CAMTA1: variants seen among roughly 807,000 people sequenced by gnomAD.
CAMTA1 encodes calmodulin binding transcription activator 1, also known as calmodulin-binding transcription activator 1.
CAMTA1 carries 27 observed loss-of-function variants against 170.9 expected under a neutral mutation model. That is an observed-to-expected ratio of 0.16 (90% CI 0.12 to 0.22). CAMTA1 has a LOEUF of 0.22. Among genes scored for constraint, CAMTA1 ranks in the 10% least tolerant of loss-of-function variants. CAMTA1 has a pLI of 1.00. For missense variants in CAMTA1, 1,619 were observed against 2,217.2 expected (o/e 0.73, Z 5.42); for synonymous variants, 833 against 891.5 (o/e 0.93, Z 1.17).
chr1:7,744,184 T>C (rs1421770692), intron 16 of CAMTA1, among the ~76,000 whole-genome samples: 2 of 138,690 alleles, frequency 1.4e-5, no homozygotes, highest in Non-Finnish European at 3.0e-5. Flanking sequence ...CAGGCTGGAG[T>C]GCAGTGGCGC....
At chr1:6,993,123 A>G (rs1422226736) in intron 3 of CAMTA1, among the ~76,000 whole-genome samples, 1 of 152,172 alleles carries the variant, frequency 6.6e-6, no homozygotes, top group Non-Finnish European at 1.5e-5. Flanking sequence ...TGTCTTGATT[A>G]TTGGAGCTTT....
At chr1:7,474,886 A>C (rs1342896016) in intron 6 of CAMTA1, among the ~76,000 whole-genome samples, 2 of 152,220 alleles carry the variant, frequency 1.3e-5, no homozygotes, top group African/African-American at 4.8e-5. Context: ...CTCCAGGACC[A>C]TGCCCTGCAG....
intron 7 of CAMTA1, 93 bp downstream of exon 7, chr1:7,640,646 A>C: frequency 6.9e-7 from 1 of 1,447,470 alleles, no homozygotes; most frequent in Non-Finnish European, 9.7e-7. Context: ...GGCCTTGGGG[A>C]TGCGGGTCCG....
At position 7,680,881 on chromosome 1, in the gene CAMTA1, A is replaced by T. The variant is rs188444229; in HGVS notation, c.2914+3148A>T. 2.7e-5 allele frequency among the ~76,000 whole-genome samples: 4 copies of T among 148,906 alleles called. No individual in the cohort carries two copies. Among genetic ancestry groups the T allele is most frequent in the African/African-American group, 9.9e-5 (4 of 40,362 alleles). On this transcript the variant is annotated intron_variant, in intron 11 of 22. Transcript: ENST00000303635. This position sits in a 1 kb window ranked among gnomAD's most constrained non-coding sequence, Gnocchi z 4.4. Reference sequence around the variant, plus strand: ...GCGCGCCAGCAGCAGCAGCAGCAGCAGCTGCTGCGGCGAAGTCTTTGTCCC... The same window carrying T: ...GCGCGCCAGCAGCAGCAGCAGCAGCTGCTGCTGCGGCGAAGTCTTTGTCCC...
intron 3 of CAMTA1, among the ~76,000 whole-genome samples, chr1:6,944,566 T>G (rs1571930643): frequency 6.6e-6 from 1 of 152,218 alleles, no homozygotes; most frequent in East Asian, 1.9e-4. Context: ...TGGACACCCT[T>G]CCCCAGGCGG....
At chr1:7,525,348 C>T (rs2094418989) in intron 6 of CAMTA1, among the ~76,000 whole-genome samples, 1 of 152,062 alleles carries the variant, frequency 6.6e-6, no homozygotes, top group South Asian at 2.1e-4. Flanking sequence ...CCCCCTCACC[C>T]ATCCCAGCTC....
chr1:7,535,262 C>T (rs1290015836), intron 6 of CAMTA1, among the ~76,000 whole-genome samples: 7 of 151,830 alleles, frequency 4.6e-5, no homozygotes, highest in South Asian at 2.1e-4. Context: ...GCAGGGCCCC[C>T]GGTCCTCTGG....
intron 3 of CAMTA1, among the ~76,000 whole-genome samples, chr1:7,023,743 T>G (rs1415777791): frequency 1.3e-5 from 2 of 152,268 alleles, no homozygotes; most frequent in East Asian, 3.9e-4. Flanking sequence ...ATGAGTTAGT[T>G]AAGGCCAGGT....
intron 3 of CAMTA1, among the ~76,000 whole-genome samples, chr1:6,877,434 C>G (rs1360893579): frequency 1.3e-5 from 2 of 152,074 alleles, no homozygotes; most frequent in African/African-American, 4.8e-5. Context: ...TTTGTCATTC[C>G]TCAATGAAGA....
intron 4 of CAMTA1, among the ~76,000 whole-genome samples, chr1:7,177,384 C>T (rs1430568657): frequency 6.6e-6 from 1 of 151,048 alleles, no homozygotes; most frequent in Non-Finnish European, 1.5e-5. Flanking sequence ...ATGCCTCTCC[C>T]CCAACACAGA....
chr1:7,709,176 C>T (rs761695741), intron 11 of CAMTA1, among the ~76,000 whole-genome samples: 1 of 152,068 alleles, frequency 6.6e-6, no homozygotes, highest in African/African-American at 2.4e-5. Context: ...CTTTTTTTCT[C>T]CCCTCCCAGA....
chr1:7,109,813 T>G (rs1393559799), intron 4 of CAMTA1, among the ~76,000 whole-genome samples: 1 of 152,178 alleles, frequency 6.6e-6, no homozygotes, highest in Non-Finnish European at 1.5e-5. Flanking sequence ...CTCAGCACTT[T>G]CCTTCCCAGA....
intron 3 of CAMTA1, among the ~76,000 whole-genome samples, chr1:6,935,286 G>GTCT (rs1685114920): frequency 6.6e-6 from 1 of 152,030 alleles, no homozygotes; most frequent in Non-Finnish European, 1.5e-5. Context: ...CCTTTACAAG[G>GTCT]CCAAGTGACT....
intron 5 of CAMTA1, among the ~76,000 whole-genome samples, chr1:7,373,850 G>A (rs1362415956): frequency 1.3e-5 from 2 of 152,106 alleles, no homozygotes; most frequent in African/African-American, 4.8e-5. Flanking sequence ...AGCATTTTCA[G>A]CAGATCTGCA....
intron 5 of CAMTA1, among the ~76,000 whole-genome samples, chr1:7,365,267 C>A (rs189681375): frequency 6.6e-6 from 1 of 152,228 alleles, no homozygotes; most frequent in African/African-American, 2.4e-5. Context: ...ACCCATAACA[C>A]CCATTCAGGC....
intron 11 of CAMTA1, among the ~76,000 whole-genome samples, 165 bp downstream of exon 11, chr1:7,677,898 C>G (rs552573859): frequency 1.3e-5 from 2 of 152,360 alleles, no homozygotes; most frequent in Admixed American, 1.3e-4. Context: ...GGCTGAGTGC[C>G]TATGCTGTCA....
At chr1:7,283,757 C>A (rs1671843828) in intron 5 of CAMTA1, among the ~76,000 whole-genome samples, 2 of 152,194 alleles carry the variant, frequency 1.3e-5, no homozygotes, top group African/African-American at 4.8e-5. Flanking sequence ...GCTGTAAAAT[C>A]CAACCTTTTC....
chr1:7,200,793 T>C (rs1656535209), intron 4 of CAMTA1, among the ~76,000 whole-genome samples: 1 of 152,198 alleles, frequency 6.6e-6, no homozygotes, highest in African/African-American at 2.4e-5. Flanking sequence ...GAAAGTACTG[T>C]TTATTTTTTC....
At chr1:7,702,747 T>C (rs2096455461) in intron 11 of CAMTA1, among the ~76,000 whole-genome samples, 1 of 152,158 alleles carries the variant, frequency 6.6e-6, no homozygotes, top group African/African-American at 2.4e-5. Context: ...AGTATGCAAC[T>C]CAATGATTTT....
Sources: allele counts gnomAD v4.1 joint callset (sites outside exome capture counted in the v4.1 genomes callset), GRCh38; gene constraint gnomAD v4.1.1; non-coding constraint Gnocchi (gnomAD v3.1); transcripts MANE v1.5; gene names NCBI Gene and HGNC (gene_info 2026-07-23, HGNC 2026-07-21).